The following PPM1E variants were observed in gnomAD, a reference collection of about 807,000 sequenced individuals.
PPM1E encodes protein phosphatase, Mg2+/Mn2+ dependent 1E.
Under a neutral mutation model 65.9 loss-of-function variants are expected in PPM1E, and 20 were observed. That is an observed-to-expected ratio of 0.30 (90% confidence interval 0.21 to 0.44). PPM1E has a LOEUF of 0.44. PPM1E is among the 20% of genes least tolerant of loss of function. The pLI is 1.00. For synonymous variants in PPM1E, 352 were observed against 374.9 expected, an observed-to-expected ratio of 0.94 and a Z score of 0.70; for missense variants, 713 against 953.1, an observed-to-expected ratio of 0.75 and a Z score of 3.32.
At chr17:58,814,847 G>A (rs967767314) in intron 1 of PPM1E, among the ~76,000 whole-genome samples, 2 of 152,098 alleles carry the variant, frequency 1.3e-5, no homozygotes, top group African/African-American at 4.8e-5. Context: ...ATAGATTCTG[G>A]GCCAGATTTG....
intron 1 of PPM1E, among the ~76,000 whole-genome samples, chr17:58,813,088 A>T (rs779652812): frequency 6.6e-6 from 1 of 152,166 alleles, no homozygotes; most frequent in Non-Finnish European, 1.5e-5. Flanking sequence ...TGCCTACAAG[A>T]TATGATGTTC....
intron 1 of PPM1E, among the ~76,000 whole-genome samples, chr17:58,786,338 T>C (rs910016585): frequency 6.6e-6 from 1 of 152,172 alleles, no homozygotes; most frequent in Non-Finnish European, 1.5e-5. Context: ...AAGGAAGCAC[T>C]TTATGGCTTC....
chr17:58,932,595 A>C (rs561568480), intron 1 of PPM1E, among the ~76,000 whole-genome samples: 1 of 152,348 alleles, frequency 6.6e-6, no homozygotes, highest in Non-Finnish European at 1.5e-5. Flanking sequence ...TCCAGCACAG[A>C]AGGGCTCCGT....
chr17:58,848,645 C>T (rs2050794665), intron 1 of PPM1E, among the ~76,000 whole-genome samples: 1 of 152,166 alleles, frequency 6.6e-6, no homozygotes, highest in South Asian at 2.1e-4. Flanking sequence ...GGTGGATAAG[C>T]TTTTTGATGT....
rs565064511 is a variant in PPM1E, at chr17:58,929,953, A to G, written c.465-25696A>G. Among the ~76,000 whole-genome samples the G allele has an allele frequency of 3.9e-5, 6 of 152,284 alleles. No individual in the cohort carries two copies. The South Asian group carries it at 1.2e-3, about 32-fold the overall frequency. ...TTCTGTTAGCTTTGGAAGGTCGTAA[A>G]AATGAGATACACTGTCATTATTTTC... On this transcript the variant is annotated intron_variant, in intron 1 of 6. Coordinates refer to ENST00000308249, the MANE Select transcript of PPM1E (RefSeq NM_014906.5).
At chr17:58,768,591 A>G (rs1254433654) in intron 1 of PPM1E, among the ~76,000 whole-genome samples, 1 of 152,224 alleles carries the variant, frequency 6.6e-6, no homozygotes, top group African/African-American at 2.4e-5. Context: ...AGGGTTTTGC[A>G]CCAAATATTT....
chr17:58,912,038 C>T (rs1479945738), intron 1 of PPM1E, among the ~76,000 whole-genome samples: 1 of 152,132 alleles, frequency 6.6e-6, no homozygotes, highest in Non-Finnish European at 1.5e-5. Context: ...CTGTGTCCTT[C>T]CCCTATTGGC....
At chr17:58,942,691 G>A (rs1366691862) in intron 1 of PPM1E, among the ~76,000 whole-genome samples, 1 of 152,042 alleles carries the variant, frequency 6.6e-6, no homozygotes, top group African/African-American at 2.4e-5. Context: ...GGGGGTAGGG[G>A]GAGGGATAGC....
intron 2 of PPM1E, among the ~76,000 whole-genome samples, chr17:58,960,508 C>T (rs1435815194): frequency 6.6e-6 from 1 of 152,086 alleles, no homozygotes; most frequent in Non-Finnish European, 1.5e-5. Flanking sequence ...AGCACGGTGG[C>T]TCATGCCTGT....
In PPM1E at chr17:58,872,804, G is replaced by A. The variant is rs180763441; in HGVS notation, c.465-82845G>A. ...TTCCATTTATATAGGCAGTTAACAGGGTTGTAACATTTTTCCATACAAGGT... is the reference window on the plus strand; with the variant it reads ...TTCCATTTATATAGGCAGTTAACAGAGTTGTAACATTTTTCCATACAAGGT... On this transcript the variant is annotated intron_variant, in intron 1 of 6. Transcript: ENST00000308249. 1.2e-4 allele frequency among the ~76,000 whole-genome samples: 18 copies of A among 150,284 alleles called. 1 individual carries two copies. In the East Asian group the frequency reaches 3.1e-3, roughly 26 times the overall value.
intron 1 of PPM1E, among the ~76,000 whole-genome samples, chr17:58,913,226 C>T (rs894106249): frequency 1.3e-4 from 19 of 152,000 alleles, no homozygotes; most frequent in Non-Finnish European, 1.5e-5. Flanking sequence ...TTGGTGTCTG[C>T]TGGAGAATTG....
At chr17:58,774,556 A>T (rs1017091791) in intron 1 of PPM1E, among the ~76,000 whole-genome samples, 3 of 152,168 alleles carry the variant, frequency 2.0e-5, no homozygotes, top group Non-Finnish European at 4.4e-5. Flanking sequence ...ATATTGCTAG[A>T]TGCAAAGATT....
intron 1 of PPM1E, among the ~76,000 whole-genome samples, chr17:58,826,164 C>T (rs571349065): frequency 4.0e-5 from 6 of 151,744 alleles, no homozygotes; most frequent in East Asian, 2.0e-4. Flanking sequence ...TGGTGGGCAG[C>T]GGGCACCTGT....
intron 6 of PPM1E, among the ~76,000 whole-genome samples, chr17:58,975,397 A>G (rs562677128): frequency 1.5e-4 from 23 of 152,320 alleles, no homozygotes; most frequent in African/African-American, 5.1e-4. Context: ...AGCACTGTGG[A>G]AGGCCAAGGA....
intron 1 of PPM1E, among the ~76,000 whole-genome samples, chr17:58,908,466 T>C (rs1359284386): frequency 6.6e-6 from 1 of 151,382 alleles, no homozygotes; most frequent in Non-Finnish European, 1.5e-5. Flanking sequence ...TAAGGCGGGG[T>C]TTTGCTCTTG....
At chr17:58,865,613 T>C (rs974403085) in intron 1 of PPM1E, among the ~76,000 whole-genome samples, 1 of 152,044 alleles carries the variant, frequency 6.6e-6, no homozygotes, top group Non-Finnish European at 1.5e-5. Context: ...GGCAGGAGGA[T>C]TGCTTAAGCC....
chr17:58,967,725 T>TG (rs987086883), intron 3 of PPM1E, among the ~76,000 whole-genome samples: 29 of 152,070 alleles, frequency 1.9e-4, no homozygotes, highest in Admixed American at 1.8e-3. Context: ...TTGTTTCTTG[T>TG]GGTGCTATTT....
At chr17:58,777,440 T>C (rs560765702) in intron 1 of PPM1E, among the ~76,000 whole-genome samples, 2 of 152,314 alleles carry the variant, frequency 1.3e-5, no homozygotes, top group Admixed American at 6.5e-5. Flanking sequence ...CTATATTTTG[T>C]CATTTCATTG....
chr17:58,797,241 C>G (rs1055515359), intron 1 of PPM1E, among the ~76,000 whole-genome samples: 4 of 152,054 alleles, frequency 2.6e-5, no homozygotes, highest in African/African-American at 9.7e-5. Flanking sequence ...AATTTATATA[C>G]AATACAATGC....
Sources: gnomAD v4.1 joint callset for allele counts (sites outside exome capture counted in the v4.1 genomes callset) on GRCh38, gnomAD v4.1.1 for gene constraint, MANE v1.5 for transcripts, NCBI Gene and HGNC (gene_info 2026-07-23, HGNC 2026-07-21) for gene names.